The following A4GNT variants were observed in gnomAD, a reference collection of about 807,000 sequenced individuals.
A4GNT encodes alpha-1,4-N-acetylglucosaminyltransferase.
A neutral mutation model predicts 8.3 loss-of-function variants in A4GNT; 6 were observed. The ratio of observed to expected loss-of-function variants is 0.72; its 90% CI spans 0.39 to 1.42. The LOEUF (loss-of-function observed/expected upper bound fraction) is 1.42. Among genes scored for constraint, A4GNT ranks in the 40% most tolerant of loss-of-function variants. The pLI, the probability that A4GNT is intolerant of heterozygous loss-of-function variation, is 0.02. For missense variants in A4GNT, 377 were observed against 417.0 expected (o/e 0.90, Z 0.84); for synonymous variants, 157 against 159.8 (o/e 0.98, Z 0.13).
At chr3:138,129,454 G>A (rs2107887246) in intron 2 of A4GNT, among the ~76,000 whole-genome samples, 1 of 152,286 alleles carries the variant, frequency 6.6e-6, no homozygotes, top group Non-Finnish European at 1.5e-5. Context: ...GCTTGTCAGA[G>A]GCAAGGGATC....
At chr3:138,129,779 G>A (rs924246055) in intron 2 of A4GNT, among the ~76,000 whole-genome samples, 1 of 152,186 alleles carries the variant, frequency 6.6e-6, no homozygotes, top group African/African-American at 2.4e-5. Flanking sequence ...TATGTGGCAA[G>A]CAAATAGTAT....
In A4GNT at chr3:138,130,932, A is replaced by G; in HGVS notation, c.325T>C (p.Ser109Pro). 1.9e-6 allele frequency: 3 copies of G among 1,614,160 alleles called. No individual in the cohort carries two copies. Among genetic ancestry groups the G allele is most frequent in the Non-Finnish European group, 1.7e-6 (2 of 1,180,026 alleles). Residue 109 changes from serine (S) to proline (P), a missense_variant, in exon 2 of 3, where the codon TCA (serine) becomes CCA (proline). Coordinates refer to ENST00000236709, the MANE Select transcript of A4GNT (RefSeq NM_016161.3). ...AAGAGGAAAACGTTGTCTATTGCTG[A>G]CAGGAAGGAAAAAGCTGGGTATGTG... The part of the protein sequence containing the change: ...NSTYPAFSFL[S>P]AIDNVFLFPL...
intron 2 of A4GNT, among the ~76,000 whole-genome samples, chr3:138,129,125 AC>A (rs1195672654): frequency 1.3e-5 from 2 of 151,906 alleles, no homozygotes; most frequent in African/African-American, 4.8e-5. Flanking sequence ...CATGCCCTCC[AC>A]CCAGGACAGT....
intron 2 of A4GNT, among the ~76,000 whole-genome samples, chr3:138,127,357 C>T (rs2042751864): frequency 6.6e-6 from 1 of 151,714 alleles, no homozygotes; most frequent in Admixed American, 6.6e-5. Context: ...GGGCGGATCA[C>T]GAGGTCAAAA....
intron 1 of A4GNT, among the ~76,000 whole-genome samples, 174 bp downstream of exon 1, chr3:138,132,038 G>T (rs1230979978): frequency 6.6e-6 from 1 of 152,144 alleles, no homozygotes; most frequent in African/African-American, 2.4e-5. Context: ...GTATCTCTAG[G>T]TTCAGAAAAC....
chr3:138,128,936 T>C (rs1314410018), intron 2 of A4GNT, among the ~76,000 whole-genome samples: 2 of 152,072 alleles, frequency 1.3e-5, no homozygotes, highest in African/African-American at 4.8e-5. Context: ...GGACTTCAAG[T>C]TTCTTCAGAA....
At chr3:138,124,997 C>T (rs1373913294) in intron 2 of A4GNT, 119 bp from the exon 3 acceptor site, 29 of 1,308,288 alleles carry the variant, frequency 2.2e-5, no homozygotes, top group Non-Finnish European at 3.0e-5. Flanking sequence ...TCCCAAAATC[C>T]TATTTGCCAC....
At position 138,130,923 on chromosome 3, in the gene A4GNT, C is replaced by T. The variant is rs150885526; in HGVS notation, c.334G>A (p.Asp112Asn). 2.7e-5 allele frequency: 43 copies of T among 1,614,112 alleles called. No individual in the cohort carries two copies. The African/African-American group carries it at 4.9e-4, about 19-fold the overall frequency. ...YPAFSFLSAI[D>N]NVFLFPLDMK... Reference sequence around the variant, plus strand: ...TCCAAAGGGAAGAGGAAAACGTTGTCTATTGCTGACAGGAAGGAAAAAGCT... The same window carrying T: ...TCCAAAGGGAAGAGGAAAACGTTGTTTATTGCTGACAGGAAGGAAAAAGCT... The change falls in exon 2 of 3, where the codon GAC (aspartate) becomes AAC (asparagine). Residue 112 changes from aspartate (D) to asparagine (N), a missense_variant. Asp to Asn is a conservative substitution (Grantham distance 23). Transcript: ENST00000236709.
intron 2 of A4GNT, 109 bp downstream of exon 2, chr3:138,130,740 G>C (rs988473708): frequency 1.6e-6 from 2 of 1,223,912 alleles, no homozygotes; most frequent in South Asian, 1.6e-5. Context: ...AGGGCCAAAT[G>C]AGAGTCAACC....
At chr3:138,128,527 C>T (rs537572670) in intron 2 of A4GNT, among the ~76,000 whole-genome samples, 49 of 152,216 alleles carry the variant, frequency 3.2e-4, no homozygotes, top group African/African-American at 1.2e-3. Flanking sequence ...CGAGAACCCA[C>T]TCACTATCCT....
At position 138,124,031 on chromosome 3, in the gene A4GNT, A is replaced by G. The variant is rs184883094; in HGVS notation, c.*233T>C. ...CTCTTTTCTTCATCCTACTGCCTGAAATGCAAACATGGTGGGTTGGAGGTC... is the reference window on the plus strand; with the variant it reads ...CTCTTTTCTTCATCCTACTGCCTGAGATGCAAACATGGTGGGTTGGAGGTC... On this transcript the variant is annotated 3_prime_UTR_variant, in exon 3 of 3. Transcript: ENST00000236709. 6.6e-5 allele frequency: 34 copies of G among 516,534 alleles called. No homozygotes were observed. Among genetic ancestry groups the G allele is most frequent in the African/African-American group, 5.9e-4 (31 of 52,616 alleles). 32.0% of individuals were successfully genotyped at this position (516,534 alleles called of 1,614,324 possible). A position where few individuals can be genotyped will look rare whatever the true frequency, so the allele number is the denominator to read the frequency against.
upstream of A4GNT, among the ~76,000 whole-genome samples, chr3:138,132,608 C>A (rs2042784552): frequency 6.6e-6 from 1 of 152,200 alleles, no homozygotes; most frequent in South Asian, 2.1e-4. Context: ...GTTTGTGGAT[C>A]TATTATGGGG....
chr3:138,130,738 A>G, intron 2 of A4GNT, 111 bp downstream of exon 2: 1 of 1,210,296 alleles, frequency 8.3e-7, no homozygotes, highest in South Asian at 1.6e-5. Flanking sequence ...AGAGGGCCAA[A>G]TGAGAGTCAA....
intron 2 of A4GNT, among the ~76,000 whole-genome samples, chr3:138,125,467 A>G (rs2042740160): frequency 6.6e-6 from 1 of 152,210 alleles, no homozygotes; most frequent in South Asian, 2.1e-4. Context: ...TGAACAAACA[A>G]ACAGAAATCC....
intron 2 of A4GNT, among the ~76,000 whole-genome samples, chr3:138,126,291 A>T: frequency 6.6e-6 from 1 of 152,082 alleles, no homozygotes; most frequent in East Asian, 1.9e-4. Context: ...AAATGACTTT[A>T]AAAAGAATAA....
chr3:138,127,581 AAAAAAAC>A (rs1483628887), intron 2 of A4GNT, among the ~76,000 whole-genome samples: 11 of 152,026 alleles, frequency 7.2e-5, no homozygotes, highest in Non-Finnish European at 1.3e-4. Flanking sequence ...CTCAAAAAAA[AAAAAAAC>A]AAAAAACATA....
chr3:138,130,782 G>C (rs142153791), intron 2 of A4GNT, 67 bp downstream of exon 2: 1 of 1,541,294 alleles, frequency 6.5e-7, no homozygotes, highest in Non-Finnish European at 8.8e-7. Context: ...TCTCCGACCT[G>C]AGTCCTTACC....
chr3:138,124,935 ACAG>A (rs1387489636), intron 2 of A4GNT, 57 bp from the exon 3 acceptor site: 2 of 1,566,778 alleles, frequency 1.3e-6, no homozygotes, highest in African/African-American at 2.7e-5. Context: ...GAGGGGCATC[ACAG>A]CAGGAGGCCA....
intron 2 of A4GNT, among the ~76,000 whole-genome samples, chr3:138,125,595 G>A (rs1047993375): frequency 6.6e-6 from 1 of 152,140 alleles, no homozygotes; most frequent in Non-Finnish European, 1.5e-5. Flanking sequence ...GCTGTATTAC[G>A]TTAGTTCCCC....
Sources: allele counts gnomAD v4.1 joint callset (sites outside exome capture counted in the v4.1 genomes callset), GRCh38; gene constraint gnomAD v4.1.1; transcripts MANE v1.5; gene names NCBI Gene and HGNC (gene_info 2026-07-23, HGNC 2026-07-21).